Variants in HPSE2 observed in about 807,000 individuals in gnomAD.
The protein encoded by HPSE2 is inactive heparanase-2.
A neutral mutation model predicts 60.5 loss-of-function variants in HPSE2; 38 were observed. The ratio of observed to expected loss-of-function variants is 0.63; its 90% confidence interval spans 0.48 to 0.82. The LOEUF is 0.82. Among genes scored for constraint, HPSE2 ranks in the 40% least tolerant of loss-of-function variants. The probability of loss-of-function intolerance (pLI) is 0.00; values close to 1 mark genes in which losing one functional copy is unlikely to be tolerated. For synonymous variants in HPSE2, 295 were observed against 293.2 expected, an observed-to-expected ratio of 1.01 and a Z score of -0.06; for missense variants, 713 against 740.4, an observed-to-expected ratio of 0.96 and a Z score of 0.43.
At chr10:99,066,449 C>T (rs985997945) in intron 3 of HPSE2, among the ~76,000 whole-genome samples, 3 of 152,118 alleles carry the variant, frequency 2.0e-5, no homozygotes, top group African/African-American at 7.2e-5. Context: ...TCTCATGATG[C>T]TAATAAAAAC....
intron 3 of HPSE2, among the ~76,000 whole-genome samples, chr10:99,102,493 C>A (rs929213958): frequency 3.3e-5 from 5 of 151,872 alleles, no homozygotes; most frequent in Non-Finnish European, 7.4e-5. Context: ...ATAATTAATA[C>A]CCTACCAACC....
At chr10:98,988,300 T>C (rs1275278213) in intron 3 of HPSE2, among the ~76,000 whole-genome samples, 5 of 152,304 alleles carry the variant, frequency 3.3e-5, no homozygotes, top group African/African-American at 4.8e-5. Flanking sequence ...AACAGAGATA[T>C]AGATCAATGG....
At chr10:99,185,504 G>C (rs1391637870) in intron 2 of HPSE2, among the ~76,000 whole-genome samples, 1 of 152,162 alleles carries the variant, frequency 6.6e-6, no homozygotes, top group Non-Finnish European at 1.5e-5. Flanking sequence ...GCCAGGTGCA[G>C]TGGCTCATGC....
At chr10:98,984,846 A>G (rs1360924109) in intron 3 of HPSE2, among the ~76,000 whole-genome samples, 1 of 152,238 alleles carries the variant, frequency 6.6e-6, no homozygotes, top group Non-Finnish European at 1.5e-5. Flanking sequence ...TGACGAATGC[A>G]CAAGCGTCAG....
intron 3 of HPSE2, among the ~76,000 whole-genome samples, chr10:98,751,138 C>G (rs528770117): frequency 6.6e-6 from 1 of 152,136 alleles, no homozygotes; most frequent in East Asian, 1.9e-4. Flanking sequence ...ACGTATTTCC[C>G]TCAAAGTCAC....
intron 3 of HPSE2, among the ~76,000 whole-genome samples, chr10:98,797,559 G>T (rs934950374): frequency 6.6e-6 from 1 of 152,032 alleles, no homozygotes; most frequent in African/African-American, 2.4e-5. Flanking sequence ...AGAGATGAGG[G>T]TAAGCCGGGC....
At chr10:98,995,173 T>C (rs191131931) in intron 3 of HPSE2, among the ~76,000 whole-genome samples, 3 of 152,288 alleles carry the variant, frequency 2.0e-5, no homozygotes, top group Admixed American at 2.0e-4. Flanking sequence ...AATGATCTGT[T>C]CAAAATATAT....
At chr10:99,052,384 GAA>G (rs968167167) in intron 3 of HPSE2, among the ~76,000 whole-genome samples, 2 of 149,104 alleles carry the variant, frequency 1.3e-5, no homozygotes, top group African/African-American at 4.9e-5. Context: ...AGACCACAGA[GAA>G]AAAAAGACAG....
At chr10:98,968,301 T>A (rs764381796) in intron 3 of HPSE2, among the ~76,000 whole-genome samples, 14 of 152,174 alleles carry the variant, frequency 9.2e-5, no homozygotes, top group Non-Finnish European at 1.8e-4. Context: ...TTCTTATTAT[T>A]AACATTTCCT....
chr10:98,473,175 T>A (rs1376763933), intron 11 of HPSE2, among the ~76,000 whole-genome samples: 2 of 151,722 alleles, frequency 1.3e-5, no homozygotes, highest in African/African-American at 2.4e-5. Context: ...TTCAACTAAG[T>A]TTGGATGAGG....
chr10:98,952,310 TTGTTTGTGTGTGTGTGTG>T lies in HPSE2; in HGVS notation c.610+191910_610+191927del, dbSNP rs1233029941. On this transcript the variant is annotated intron_variant, in intron 3 of 11. Transcript: ENST00000370552. ...GGAAGGATTCCCCGCTCAAAAGAATTTGTTTGTGTGTGTGTGTGTGTGTGTGTGTGTGTGTGTGTGTGT... is the reference window on the plus strand; with the variant it reads ...GGAAGGATTCCCCGCTCAAAAGAATTTGTGTGTGTGTGTGTGTGTGTGTGT... 6.8e-5 allele frequency among the ~76,000 whole-genome samples: 7 copies of T among 102,626 alleles called. No individual in the cohort carries two copies. The South Asian group carries it at 1.5e-3, about 23-fold the overall frequency. 67.3% of individuals were successfully genotyped at this position (102,626 alleles called of 152,430 possible). A position where few individuals can be genotyped will look rare whatever the true frequency, so the allele number is the denominator to read the frequency against.
chr10:98,600,770 A>G (rs1945376246), intron 9 of HPSE2, among the ~76,000 whole-genome samples: 1 of 148,018 alleles, frequency 6.8e-6, no homozygotes. Context: ...ATACACACAT[A>G]TATACATACA....
At chr10:98,979,579 G>A (rs886501262) in intron 3 of HPSE2, among the ~76,000 whole-genome samples, 3 of 152,122 alleles carry the variant, frequency 2.0e-5, no homozygotes, top group African/African-American at 7.2e-5. Flanking sequence ...TTAAAGAGGT[G>A]TTTTTAAACA....
intron 5 of HPSE2, among the ~76,000 whole-genome samples, chr10:98,707,740 A>C (rs1948583154): frequency 1.3e-5 from 2 of 152,184 alleles, no homozygotes. Flanking sequence ...ATGATCCTAC[A>C]GAGGAAAATC....
chr10:98,766,024 G>C (rs1950112152), intron 3 of HPSE2, among the ~76,000 whole-genome samples: 1 of 151,968 alleles, frequency 6.6e-6, no homozygotes, highest in Non-Finnish European at 1.5e-5. Flanking sequence ...CAGTAAAATT[G>C]ATAAAACTCT....
At chr10:98,695,337 C>T (rs11189750) in intron 5 of HPSE2, among the ~76,000 whole-genome samples, 90,015 of 151,926 alleles carry the variant, frequency 0.59, 27,198 homozygotes, top group South Asian at 0.78. Flanking sequence ...TTTGGCTGAA[C>T]GGTTTTGCCT....
intron 9 of HPSE2, among the ~76,000 whole-genome samples, chr10:98,521,210 A>G (rs1419351946): frequency 1.3e-5 from 2 of 152,248 alleles, no homozygotes; most frequent in Non-Finnish European, 2.9e-5. Context: ...GGCAACCTAC[A>G]GAATGGAAGA....
intron 9 of HPSE2, among the ~76,000 whole-genome samples, chr10:98,603,721 C>G (rs555636338): frequency 1.5e-4 from 23 of 152,202 alleles, no homozygotes; most frequent in African/African-American, 5.5e-4. Flanking sequence ...AGCCACCGTG[C>G]CTGGCCTCTG....
At chr10:98,485,148 GCA>G (rs1364421847) in intron 10 of HPSE2, among the ~76,000 whole-genome samples, 1 of 152,170 alleles carries the variant, frequency 6.6e-6, no homozygotes, top group Non-Finnish European at 1.5e-5. Context: ...TTGTTTAGAA[GCA>G]CAGTTTCCAG....
Sources: allele counts gnomAD v4.1 joint callset (sites outside exome capture counted in the v4.1 genomes callset), GRCh38; gene constraint gnomAD v4.1.1; transcripts MANE v1.5; gene names NCBI Gene and HGNC (gene_info 2026-07-23, HGNC 2026-07-21).